Variants in CRACD observed in about 807,000 individuals in gnomAD.
CRACD encodes capping protein-inhibiting regulator of actin dynamics.
Under a neutral mutation model 106.8 loss-of-function variants are expected in CRACD, and 56 were observed. The observed-to-expected ratio is 0.52, with a 90% CI of 0.42 to 0.66. CRACD has a LOEUF of 0.66. Among genes scored for constraint, CRACD ranks in the 30% least tolerant of loss-of-function variants. The pLI, the probability that CRACD is intolerant of heterozygous loss-of-function variation, is 0.00. For missense variants in CRACD, 1,730 were observed against 1,623.2 expected (o/e 1.07, Z -1.13); for synonymous variants, 754 against 670.8 (o/e 1.12, Z -1.92).
At chr4:56,223,276 A>G (rs1739143289) in intron 2 of CRACD, among the ~76,000 whole-genome samples, 1 of 150,724 alleles carries the variant, frequency 6.6e-6, no homozygotes, top group Non-Finnish European at 1.5e-5. Flanking sequence ...AGTCTCCCAC[A>G]GTCTGGGTTT....
chr4:56,082,994 G>T (rs528932054), intron 1 of CRACD, among the ~76,000 whole-genome samples: 2 of 152,262 alleles, frequency 1.3e-5, no homozygotes, highest in East Asian at 3.9e-4. Context: ...AAGAGGAAAT[G>T]CAGACAAAAG....
At chr4:56,215,071 G>A (rs577653335) in intron 2 of CRACD, among the ~76,000 whole-genome samples, 4 of 152,196 alleles carry the variant, frequency 2.6e-5, no homozygotes, top group South Asian at 2.1e-4. Flanking sequence ...GTGCAGTGGC[G>A]CAGTCATAGC....
chr4:56,091,910 C>G (rs1156473895), intron 1 of CRACD, among the ~76,000 whole-genome samples: 1 of 152,118 alleles, frequency 6.6e-6, no homozygotes, highest in Non-Finnish European at 1.5e-5. Context: ...AGAAAAGGAT[C>G]TGCTGTTATG....
At chr4:56,183,606 G>A (rs1023269264) in intron 2 of CRACD, among the ~76,000 whole-genome samples, 3 of 152,230 alleles carry the variant, frequency 2.0e-5, no homozygotes, top group Non-Finnish European at 4.4e-5. Context: ...TCCTGGTCAA[G>A]GAAAGCAAGT....
chr4:56,321,536 A>G (rs535710115), intron 8 of CRACD, among the ~76,000 whole-genome samples: 1 of 152,330 alleles, frequency 6.6e-6, no homozygotes, highest in Admixed American at 6.5e-5. Flanking sequence ...CTTTGGTATA[A>G]TAGCTTTCTA....
chr4:56,100,249 A>C (rs770168971), intron 1 of CRACD, among the ~76,000 whole-genome samples: 2 of 152,140 alleles, frequency 1.3e-5, no homozygotes, highest in African/African-American at 4.8e-5. Flanking sequence ...TCTTGCGGGG[A>C]CGGGGGGGAA....
At chr4:56,313,961 C>T (rs1442518458) in intron 7 of CRACD, 79 bp from the exon 8 acceptor site, 1 of 1,524,068 alleles carries the variant, frequency 6.6e-7, no homozygotes, top group Non-Finnish European at 8.8e-7. Context: ...AAGAGGGTCG[C>T]TGGCACTGTG....
At chr4:56,160,757 C>T (rs753259402) in intron 1 of CRACD, among the ~76,000 whole-genome samples, 3 of 152,214 alleles carry the variant, frequency 2.0e-5, no homozygotes, top group African/African-American at 7.2e-5. Flanking sequence ...AATGATTTGA[C>T]GTGCGTATGC....
chr4:56,291,636 A>C (rs936589447), intron 3 of CRACD, among the ~76,000 whole-genome samples: 1 of 152,202 alleles, frequency 6.6e-6, no homozygotes, highest in African/African-American at 2.4e-5. Context: ...ATTTAATATT[A>C]TACAAATGCT....
intron 1 of CRACD, among the ~76,000 whole-genome samples, chr4:56,113,388 G>T (rs1734182643): frequency 6.6e-6 from 1 of 152,160 alleles, no homozygotes; most frequent in South Asian, 2.1e-4. Context: ...ATGATAGGCA[G>T]TAAGTCTTTT....
chr4:56,265,927 A>G (rs1312184829), intron 2 of CRACD, among the ~76,000 whole-genome samples: 1 of 152,240 alleles, frequency 6.6e-6, no homozygotes, highest in Non-Finnish European at 1.5e-5. Flanking sequence ...TGACAAATGG[A>G]AAATGAATCA....
intron 1 of CRACD, among the ~76,000 whole-genome samples, chr4:56,127,728 G>A (rs1411712678): frequency 6.6e-6 from 1 of 152,180 alleles, no homozygotes; most frequent in Non-Finnish European, 1.5e-5. Context: ...GTTGTGAAAT[G>A]CTGTCAGAGG....
chr4:56,258,749 C>T (rs1334804481), intron 2 of CRACD, among the ~76,000 whole-genome samples: 1 of 152,042 alleles, frequency 6.6e-6, no homozygotes, highest in Non-Finnish European at 1.5e-5. Context: ...GACCAGAGGT[C>T]AAGTCTATAC....
At chr4:56,311,618 T>C (rs1272808260) in intron 6 of CRACD, 2 of 152,242 alleles carry the variant, frequency 1.3e-5, no homozygotes, top group Non-Finnish European at 2.9e-5. Context: ...ACTTGATTTT[T>C]CTGTGCTTCT....
chr4:56,210,301 T>G (rs1738335913), intron 2 of CRACD, among the ~76,000 whole-genome samples: 1 of 152,198 alleles, frequency 6.6e-6, no homozygotes, highest in South Asian at 2.1e-4. Flanking sequence ...GACTTGGGGG[T>G]TTGTGTACAG....
intron 2 of CRACD, among the ~76,000 whole-genome samples, chr4:56,207,283 G>A (rs74883824): frequency 3.3e-5 from 5 of 152,130 alleles, no homozygotes; most frequent in African/African-American, 1.2e-4. Flanking sequence ...TTTAGCAAAA[G>A]AATTTAAAAC....
chr4:56,324,273 A>G lies in CRACD; in HGVS notation c.3541+7A>G, dbSNP rs763608894. On this transcript the variant is annotated splice_region_variant and intron_variant, in intron 10 of 10. Transcript: ENST00000682029. ...CTTCCTACGTCTGTGACAGGTAGAG[A>G]GCAGGTCCATTGCTTTGTAACTGTA... 1.9e-5 allele frequency: 31 copies of G among 1,610,562 alleles called. No homozygotes were observed. The East Asian group carries it at 2.5e-4, about 13-fold the overall frequency.
intron 1 of CRACD, among the ~76,000 whole-genome samples, chr4:56,154,275 T>G (rs1289247958): frequency 1.5e-5 from 2 of 136,128 alleles, no homozygotes; most frequent in Admixed American, 7.5e-5. Flanking sequence ...GAGACCAGGC[T>G]GGGTAACATG....
At chr4:56,243,062 A>C (rs372330777) in intron 2 of CRACD, among the ~76,000 whole-genome samples, 30 of 152,314 alleles carry the variant, frequency 2.0e-4, no homozygotes, top group African/African-American at 5.3e-4. Context: ...CCTTTTTACT[A>C]ATAGAACTTC....
Sources: allele counts gnomAD v4.1 joint callset (sites outside exome capture counted in the v4.1 genomes callset), GRCh38; gene constraint gnomAD v4.1.1; transcripts MANE v1.5; gene names NCBI Gene and HGNC (gene_info 2026-07-23, HGNC 2026-07-21).